SUPT3H: variants seen among roughly 807,000 people sequenced by gnomAD.
SUPT3H encodes SPT3 homolog, SAGA and STAGA complex component.
SUPT3H carries 44 observed loss-of-function variants against 44.3 expected under a neutral mutation model. The ratio of observed to expected loss-of-function variants is 0.99; its 90% CI spans 0.78 to 1.28. The LOEUF (loss-of-function observed/expected upper bound fraction) is 1.28. Ranked by LOEUF, SUPT3H falls within the 50% of genes most tolerant of loss-of-function variation. SUPT3H has a pLI of 0.00. For missense variants in SUPT3H, 380 were observed against 387.1 expected (o/e 0.98, Z 0.15); for synonymous variants, 124 against 125.6 (o/e 0.99, Z 0.09).
At chr6:44,840,937 C>T (rs764979407) in intron 10 of SUPT3H, among the ~76,000 whole-genome samples, 107 of 152,062 alleles carry the variant, frequency 7.0e-4, no homozygotes, top group Non-Finnish European at 1.4e-3. Flanking sequence ...GGTTGCAATA[C>T]CTTAAAACAT....
intron 9 of SUPT3H, among the ~76,000 whole-genome samples, chr6:44,944,127 A>G (rs1030074971): frequency 6.6e-6 from 1 of 152,068 alleles, no homozygotes; most frequent in Non-Finnish European, 1.5e-5. Flanking sequence ...ATGCATGACA[A>G]TTATAGCATA....
intron 2 of SUPT3H, among the ~76,000 whole-genome samples, chr6:45,179,350 A>G (rs1266497133): frequency 6.6e-6 from 1 of 152,128 alleles, no homozygotes; most frequent in Non-Finnish European, 1.5e-5. Context: ...TCAATAGAAA[A>G]AGAGGGAATC....
intron 10 of SUPT3H, among the ~76,000 whole-genome samples, chr6:44,901,521 T>C (rs1293598): frequency 0.5 from 73,798 of 148,386 alleles, 18,323 homozygotes; most frequent in Admixed American, 0.57. Context: ...TATGGGACTA[T>C]GTGAAAAGAC....
At chr6:44,850,993 C>A (rs1371762718) in intron 10 of SUPT3H, among the ~76,000 whole-genome samples, 2 of 152,098 alleles carry the variant, frequency 1.3e-5, no homozygotes, top group Non-Finnish European at 2.9e-5. Context: ...TTTTTGGGAG[C>A]TCAAGGTCTA....
intron 2 of SUPT3H, among the ~76,000 whole-genome samples, chr6:45,271,154 A>G (rs567548381): frequency 6.6e-6 from 1 of 152,246 alleles, no homozygotes; most frequent in Non-Finnish European, 1.5e-5. Context: ...TGACAATGCG[A>G]CTGAAAAGAA....
At chr6:44,956,212 C>T (rs1254189244) in intron 7 of SUPT3H, among the ~76,000 whole-genome samples, 3 of 151,402 alleles carry the variant, frequency 2.0e-5, no homozygotes, top group South Asian at 2.1e-4. Context: ...AGGTCGGGCG[C>T]GGTGGCTCAC....
At position 45,120,417 on chromosome 6, in the gene SUPT3H, T is replaced by TAAAAAAAAAAAAAAAAAAAAAAAAAAAA. The variant is rs71687494; in HGVS notation, c.102-14412_102-14411insTTTTTTTTTTTTTTTTTTTTTTTTTTTT. On this transcript the variant is annotated intron_variant, in intron 2 of 10. Coordinates refer to ENST00000371459, the MANE Select transcript of SUPT3H (RefSeq NM_003599.4). Reference sequence around the variant, plus strand: ...CTGGGTAACAGTGTGAGACCTTGTCTAAAAAAAAAAAAAAAAAAAAAAAAG... The same window carrying TAAAAAAAAAAAAAAAAAAAAAAAAAAAA: ...CTGGGTAACAGTGTGAGACCTTGTCTAAAAAAAAAAAAAAAAAAAAAAAAAAAAAAAAAAAAAAAAAAAAAAAAAAAAG... Among the ~76,000 whole-genome samples the TAAAAAAAAAAAAAAAAAAAAAAAAAAAA allele has an allele frequency of 2.0e-4, 10 of 50,508 alleles. 1 individual carries two copies. The highest frequency in any genetic ancestry group is 9.3e-4 in the South Asian group (1 of 1,074). The allele number at this position is 50,508 out of a possible 152,430, so 33.1% of individuals were successfully genotyped here. A position where few individuals can be genotyped will look rare whatever the true frequency, so the allele number is the denominator to read the frequency against.
chr6:44,889,821 AG>A lies in SUPT3H; in HGVS notation c.912+42831del, dbSNP rs776546737. Among the ~76,000 whole-genome samples the A allele has an allele frequency of 5.2e-4, 79 of 152,304 alleles. 1 individual carries two copies. Among genetic ancestry groups the A allele is most frequent in the Middle Eastern group, 3.4e-3 (1 of 294 alleles). On this transcript the variant is annotated intron_variant, in intron 10 of 10. Transcript: ENST00000371459. ...AAAAGAAACTACCATCAGAGTGAACAGGCAACCTACAAAATGGGAGAAAATT... is the reference window on the plus strand; with the variant it reads ...AAAAGAAACTACCATCAGAGTGAACAGCAACCTACAAAATGGGAGAAAATT...
chr6:44,829,928 G>T, intron 10 of SUPT3H, 71 bp from the exon 11 acceptor site: 2 of 1,397,298 alleles, frequency 1.4e-6, no homozygotes, highest in Non-Finnish European at 2.0e-6. Flanking sequence ...CAAAAAGCAA[G>T]CAGAGCCCTC....
At chr6:45,155,937 T>C (rs1031744726) in intron 2 of SUPT3H, among the ~76,000 whole-genome samples, 5 of 152,164 alleles carry the variant, frequency 3.3e-5, no homozygotes, top group African/African-American at 4.8e-5. Flanking sequence ...TTTTGAACTA[T>C]ACCTTACAGC....
At chr6:45,303,001 C>T (rs554592271) in intron 2 of SUPT3H, among the ~76,000 whole-genome samples, 26 of 152,046 alleles carry the variant, frequency 1.7e-4, no homozygotes, top group Admixed American at 3.9e-4. Flanking sequence ...CTTCAACAAA[C>T]GAAACATAAA....
chr6:45,269,776 G>T (rs543460273), intron 2 of SUPT3H, among the ~76,000 whole-genome samples: 44 of 152,232 alleles, frequency 2.9e-4, no homozygotes, highest in African/African-American at 9.9e-4. Context: ...ATTTTATTGA[G>T]ATATAACTCA....
intron 2 of SUPT3H, among the ~76,000 whole-genome samples, chr6:45,123,276 C>T (rs1801930849): frequency 6.6e-6 from 1 of 152,084 alleles, no homozygotes; most frequent in Non-Finnish European, 1.5e-5. Context: ...ACACATGAAA[C>T]TCTCTTTCAG....
chr6:45,353,885 C>T (rs1284192364), intron 2 of SUPT3H, among the ~76,000 whole-genome samples: 1 of 149,438 alleles, frequency 6.7e-6, no homozygotes, highest in Non-Finnish European at 1.5e-5. Context: ...AAGGTCAGTG[C>T]CTTTAGTATA....
chr6:45,061,017 C>T (rs1448552019), intron 3 of SUPT3H, among the ~76,000 whole-genome samples: 1 of 152,052 alleles, frequency 6.6e-6, no homozygotes, highest in African/African-American at 2.4e-5. Flanking sequence ...ATTAGTTTGA[C>T]CATAGTGGAA....
At chr6:45,367,324 A>T (rs1030912560) in intron 1 of SUPT3H, among the ~76,000 whole-genome samples, 2 of 152,194 alleles carry the variant, frequency 1.3e-5, no homozygotes, top group African/African-American at 4.8e-5. Flanking sequence ...AAACATATGA[A>T]GAACATAATG....
intron 2 of SUPT3H, among the ~76,000 whole-genome samples, chr6:45,215,478 T>G (rs1764883883): frequency 2.0e-5 from 3 of 151,978 alleles, no homozygotes; most frequent in Non-Finnish European, 4.4e-5. Flanking sequence ...CAAGAAAAAT[T>G]ATATGAAGTG....
At chr6:45,066,295 A>G (rs1463452033) in intron 3 of SUPT3H, among the ~76,000 whole-genome samples, 8 of 151,788 alleles carry the variant, frequency 5.3e-5, no homozygotes, top group African/African-American at 1.9e-4. Context: ...TAAATTAGGT[A>G]TTGATGGGAC....
intron 4 of SUPT3H, among the ~76,000 whole-genome samples, chr6:45,019,151 T>A (rs1427502182): frequency 1.4e-4 from 22 of 152,204 alleles, no homozygotes; most frequent in Non-Finnish European, 2.6e-4. Context: ...GTTTGTAGTA[T>A]TCTCTGATGG....
Sources: allele counts gnomAD v4.1 joint callset (sites outside exome capture counted in the v4.1 genomes callset), GRCh38; gene constraint gnomAD v4.1.1; transcripts MANE v1.5; gene names NCBI Gene and HGNC (gene_info 2026-07-23, HGNC 2026-07-21).